The following ACAN variants were observed in gnomAD, a reference collection of about 807,000 sequenced individuals.
ACAN encodes aggrecan, also known as aggrecan core protein.
ACAN carries 47 observed loss-of-function variants against 169.1 expected under a neutral mutation model. The ratio of observed to expected loss-of-function variants is 0.28; its 90% CI spans 0.22 to 0.35. The LOEUF (loss-of-function observed/expected upper bound fraction) is 0.35. ACAN is among the 10% of genes least tolerant of loss of function. The pLI is 1.00. For synonymous variants in ACAN, 1,115 were observed against 1,112.2 expected (o/e 1.00, Z -0.05); for missense variants, 2,716 against 2,759.9 (o/e 0.98, Z 0.36).
intron 1 of ACAN, among the ~76,000 whole-genome samples, chr15:88,818,481 T>A (rs1023342993): frequency 3.9e-5 from 6 of 152,174 alleles, no homozygotes; most frequent in Non-Finnish European, 7.4e-5. Context: ...AAATTTGCCA[T>A]TCCCAGAGTT....
intron 1 of ACAN, among the ~76,000 whole-genome samples, chr15:88,812,997 G>A (rs1895858171): frequency 6.6e-6 from 1 of 152,216 alleles, no homozygotes; most frequent in Non-Finnish European, 1.5e-5. Context: ...ATCCCTCAGA[G>A]AAAGTCAAGG....
intron 1 of ACAN, among the ~76,000 whole-genome samples, chr15:88,835,734 T>C (rs1401944074): frequency 1.3e-5 from 2 of 152,216 alleles, no homozygotes; most frequent in Non-Finnish European, 2.9e-5. Context: ...GTCAGTCTTT[T>C]CTCTCTATTC....
At position 88,857,009 on chromosome 15, in the gene ACAN, A is replaced by G; in HGVS notation, c.4424A>G (p.Glu1475Gly). The part of the protein sequence containing the change: ...GDLSGLPSGG[E>G]VLEISVSGVE... Reference sequence around the variant, plus strand: ...CTCAGTGGACTTCCTTCTGGAGGAGAAGTTCTAGAGATTTCTGTCTCTGGA... The same window carrying G: ...CTCAGTGGACTTCCTTCTGGAGGAGGAGTTCTAGAGATTTCTGTCTCTGGA... The change falls in exon 12 of 19, where the codon GAA (glutamate) becomes GGA (glycine). Residue 1475 changes from glutamate to glycine, a missense_variant. Glu to Gly is a moderately conservative substitution (Grantham distance 98, BLOSUM62 -2). This residue lies in a region of ACAN where 1,389 missense variants were observed against 1,363.7 expected (regional missense o/e 1.02). Coordinates refer to ENST00000560601, the MANE Select transcript of ACAN (RefSeq NM_001369268.1). 3 of 1,613,156 alleles carry G rather than the reference A, an allele frequency of 1.9e-6. No homozygotes were observed. Among genetic ancestry groups the G allele is most frequent in the Non-Finnish European group, 2.5e-6 (3 of 1,179,408 alleles).
chr15:88,843,007 T>A lies in ACAN; in HGVS notation c.758-348T>A, dbSNP rs1397472796. Among the ~76,000 whole-genome samples, 4 of 152,320 alleles carry A rather than the reference T, an allele frequency of 2.6e-5. No individual in the cohort carries two copies. The highest frequency in any genetic ancestry group is 4.1e-4 in the South Asian group (2 of 4,824). Reference sequence around the variant, plus strand: ...AGGATTTGCCTTGAGTAGGCAATGCTTAACTCCTAGGAAAGATCCCCCTGT... The same window carrying A: ...AGGATTTGCCTTGAGTAGGCAATGCATAACTCCTAGGAAAGATCCCCCTGT... On this transcript the variant is annotated intron_variant, in intron 5 of 18. Coordinates refer to ENST00000560601, the MANE Select transcript of ACAN (RefSeq NM_001369268.1). The surrounding 1 kb of genome is among the most constrained non-coding windows in gnomAD (Gnocchi z 4.0).
chr15:88,819,909 G>A (rs1011491880), intron 1 of ACAN, among the ~76,000 whole-genome samples: 40 of 152,142 alleles, frequency 2.6e-4, no homozygotes, highest in African/African-American at 8.9e-4. Flanking sequence ...CAGGGAACTA[G>A]TTGAGAGCCC....
chr15:88,853,484 A>G (rs897494820), intron 11 of ACAN, among the ~76,000 whole-genome samples: 3 of 152,120 alleles, frequency 2.0e-5, no homozygotes, highest in African/African-American at 7.2e-5. Flanking sequence ...CTAAAAATAC[A>G]AAAATTAGCC....
At chr15:88,864,554 C>T (rs1463351472) in intron 13 of ACAN, among the ~76,000 whole-genome samples, 25 of 152,228 alleles carry the variant, frequency 1.6e-4, no homozygotes, top group Admixed American at 6.5e-4. Context: ...TGTGAGCCAC[C>T]GCGCTGGGCC....
At chr15:88,808,007 C>A (rs1008409568) in intron 1 of ACAN, among the ~76,000 whole-genome samples, 2 of 152,180 alleles carry the variant, frequency 1.3e-5, no homozygotes, top group African/African-American at 4.8e-5. Context: ...GGAGCCACCT[C>A]TTCTGTGTAG....
At chr15:88,824,159 C>T (rs1194874748) in intron 1 of ACAN, among the ~76,000 whole-genome samples, 1 of 152,056 alleles carries the variant, frequency 6.6e-6, no homozygotes, top group Non-Finnish European at 1.5e-5. Flanking sequence ...CCCGTCTCTA[C>T]TAAAAATACA....
chr15:88,828,003 T>C (rs1567170095), intron 1 of ACAN, among the ~76,000 whole-genome samples: 1 of 152,108 alleles, frequency 6.6e-6, no homozygotes, highest in Non-Finnish European at 1.5e-5. Flanking sequence ...CCTTAAGTGG[T>C]TGGCCTAGTA....
At chr15:88,809,885 T>G (rs1596110131) in intron 1 of ACAN, among the ~76,000 whole-genome samples, 2 of 152,218 alleles carry the variant, frequency 1.3e-5, no homozygotes, top group Admixed American at 6.5e-5. Context: ...AATGCAGGCA[T>G]GTCATTGAAT....
chr15:88,818,814 A>G (rs1896004697), intron 1 of ACAN, among the ~76,000 whole-genome samples: 1 of 152,222 alleles, frequency 6.6e-6, no homozygotes, highest in Non-Finnish European at 1.5e-5. Flanking sequence ...GCATGGTGAA[A>G]AGCATTCTGG....
At position 88,855,426 on chromosome 15, in the gene ACAN, T is replaced by C; in HGVS notation, c.2841T>C (p.Ser947=). 1.2e-6 allele frequency: 2 copies of C among 1,613,318 alleles called. No individual in the cohort carries two copies. Among genetic ancestry groups the C allele is most frequent in the Non-Finnish European group, 1.7e-6 (2 of 1,179,414 alleles). Residue 947 remains serine, a synonymous_variant, in exon 12 of 19, where the codon TCT becomes TCC. Coordinates refer to ENST00000560601, the MANE Select transcript of ACAN (RefSeq NM_001369268.1). ...LPSGAEILEG[S]ASGVGDLSGL... ...CTGGAGCTGAGATCCTAGAGGGCTC[T>C]GCCTCTGGAGTTGGGGATCTCAGTG...
rs758736365 is a variant in ACAN, at chr15:88,849,516, C to T, written c.1811C>T (p.Thr604Met). The change falls in exon 10 of 19, where the codon ACG becomes ATG. Residue 604 changes from threonine to methionine, a missense_variant. Physicochemically the swap from Thr to Met is moderately conservative, Grantham distance 81. This residue lies in a region of ACAN where 1,283 missense variants were observed against 1,281.5 expected (regional missense o/e 1.00). Transcript: ENST00000560601. The surrounding 1 kb of genome is among the most constrained non-coding windows in gnomAD (Gnocchi z 5.1). ...ALEFCESHNATLATTGQLYAA... is the reference protein window; with the variant it reads ...ALEFCESHNAMLATTGQLYAA... ...GAGTTCTGTGAATCTCACAATGCTA[C>T]GCTGGCCACCACGGGCCAGCTCTAC... 8.7e-6 allele frequency: 14 copies of T among 1,606,554 alleles called. No homozygotes were observed. Among genetic ancestry groups the T allele is most frequent in the African/African-American group, 2.7e-5 (2 of 74,808 alleles).
At chr15:88,865,221 C>T (rs372988797) in intron 13 of ACAN, among the ~76,000 whole-genome samples, 2 of 152,198 alleles carry the variant, frequency 1.3e-5, no homozygotes, top group African/African-American at 4.8e-5. Context: ...TCCCCAGAGT[C>T]CCTGCTCAGT....
chr15:88,860,330 C>T lies in ACAN; in HGVS notation c.6837C>T (p.Pro2279=), dbSNP rs376745222. 1.4e-4 allele frequency: 218 copies of T among 1,609,168 alleles called. 1 individual carries two copies. The highest frequency in any genetic ancestry group is 1.1e-3 in the South Asian group (101 of 89,926). The change falls in exon 13 of 19, where the codon CCC becomes CCT. Residue 2279 remains proline (P), a synonymous_variant. Coordinates refer to ENST00000560601, the MANE Select transcript of ACAN (RefSeq NM_001369268.1). ...CCTCTCCCCTGGGGGTTGCAGCCCC[C>T]GCCAGGTCCTGTGCAGAGGAGCCCT... The part of the protein sequence containing the change: ...KRESESTAAA[P]ARSCAEEPCG...
chr15:88,829,628 G>T (rs1896310513), intron 1 of ACAN, among the ~76,000 whole-genome samples: 2 of 152,178 alleles, frequency 1.3e-5, no homozygotes, highest in Admixed American at 6.5e-5. Context: ...GGGAGATTAG[G>T]CTGCAAATAA....
intron 1 of ACAN, among the ~76,000 whole-genome samples, chr15:88,824,465 T>C (rs991968780): frequency 2.6e-5 from 4 of 152,224 alleles, no homozygotes; most frequent in African/African-American, 9.6e-5. Flanking sequence ...AGCACTGTTC[T>C]AGGCACCGGA....
In ACAN at chr15:88,857,741, C is replaced by A. The variant is rs762862465; in HGVS notation, c.5156C>A (p.Ala1719Glu). ...LPSGTELSGQ[A>E]SGSPDVSGEI... ...TCAGGAACTGAACTCAGTGGCCAAG[C>A]ATCTGGGTCTCCTGATGTCAGTGGG... Residue 1719 changes from alanine (A) to glutamate (E), a missense_variant, in exon 12 of 19, where the codon GCA becomes GAA. Physicochemically the swap from Ala to Glu is moderately radical, Grantham distance 107. This residue lies in a region of ACAN where 1,389 missense variants were observed against 1,363.7 expected (regional missense o/e 1.02). Coordinates refer to ENST00000560601, the MANE Select transcript of ACAN (RefSeq NM_001369268.1). The A allele has an allele frequency of 1.2e-6, 2 of 1,613,972 alleles. No homozygotes were observed. The highest frequency in any genetic ancestry group is 2.2e-5 in the East Asian group (1 of 44,886).
Sources: allele counts gnomAD v4.1 joint callset (sites outside exome capture counted in the v4.1 genomes callset), GRCh38; gene constraint gnomAD v4.1.1; regional missense constraint gnomAD v4.1.1; non-coding constraint Gnocchi (gnomAD v3.1); transcripts MANE v1.5; gene names NCBI Gene and HGNC (gene_info 2026-07-23, HGNC 2026-07-21).